The following ZNRF2 variants were observed in gnomAD, a reference collection of about 807,000 sequenced individuals.
ZNRF2 encodes E3 ubiquitin-protein ligase ZNRF2.
Under a neutral mutation model 20.4 loss-of-function variants are expected in ZNRF2, and 16 were observed. The ratio of observed to expected loss-of-function variants is 0.79; its 90% CI spans 0.53 to 1.19. The LOEUF (loss-of-function observed/expected upper bound fraction) is 1.19. ZNRF2 is among the 50% of genes most tolerant of loss of function. The probability of loss-of-function intolerance (pLI) is 0.00; values close to 1 mark genes in which losing one functional copy is unlikely to be tolerated. For missense variants in ZNRF2, 363 were observed against 332.4 expected (o/e 1.09, Z -0.72); for synonymous variants, 178 against 144.9 (o/e 1.23, Z -1.64).
At chr7:30,340,518 T>C (rs981710774) in intron 2 of ZNRF2, among the ~76,000 whole-genome samples, 1 of 152,210 alleles carries the variant, frequency 6.6e-6, no homozygotes, top group African/African-American at 2.4e-5. Context: ...GTTTTTGTCA[T>C]TGGTTCTGTT....
intron 1 of ZNRF2, among the ~76,000 whole-genome samples, chr7:30,297,266 G>A (rs540797972): frequency 8.5e-5 from 13 of 152,160 alleles, no homozygotes; most frequent in Admixed American, 5.9e-4. Context: ...ACCCTGTTCC[G>A]AATTGATTAT....
chr7:30,329,747 A>C (rs1159938736), intron 2 of ZNRF2, among the ~76,000 whole-genome samples: 1 of 152,228 alleles, frequency 6.6e-6, no homozygotes, highest in East Asian at 1.9e-4. Flanking sequence ...GGTTATCGTG[A>C]ATAGTGCTGC....
intron 1 of ZNRF2, among the ~76,000 whole-genome samples, chr7:30,304,204 A>G (rs771099018): frequency 6.6e-6 from 1 of 152,128 alleles, no homozygotes; most frequent in African/African-American, 2.4e-5. Flanking sequence ...CTAAGCAGCT[A>G]TAGCTTCTTG....
chr7:30,342,441 AGCATTT>A (rs538784405), intron 2 of ZNRF2, among the ~76,000 whole-genome samples: 84 of 152,262 alleles, frequency 5.5e-4, no homozygotes, highest in Non-Finnish European at 1.0e-3. Flanking sequence ...AGAATCTCTC[AGCATTT>A]GCTTGTCTGT....
At chr7:30,294,708 C>T (rs1160707540) in intron 1 of ZNRF2, among the ~76,000 whole-genome samples, 2 of 151,876 alleles carry the variant, frequency 1.3e-5, no homozygotes, top group African/African-American at 2.4e-5. Context: ...TTGCTTGAAC[C>T]TGGGAGGTGA....
At chr7:30,295,122 C>T (rs1198339342) in intron 1 of ZNRF2, among the ~76,000 whole-genome samples, 1 of 143,024 alleles carries the variant, frequency 7.0e-6, no homozygotes, top group African/African-American at 2.6e-5. Context: ...TCAGCCACTG[C>T]CCCCAGGCAG....
chr7:30,310,272 A>C (rs184895588), intron 1 of ZNRF2, among the ~76,000 whole-genome samples: 47 of 152,320 alleles, frequency 3.1e-4, no homozygotes, highest in African/African-American at 1.1e-3. Flanking sequence ...AAACTTTTTA[A>C]TGCAACTTAC....
chr7:30,285,562 GCGGCGGCCCCGGCAGCCC>G lies in ZNRF2; in HGVS notation c.217_234del (p.Ala73_Pro78del), dbSNP rs1181828470. 233 of 974,334 alleles carry G rather than the reference GCGGCGGCCCCGGCAGCCC, an allele frequency of 2.4e-4. 1 individual carries two copies. The highest frequency in any genetic ancestry group is 8.3e-4 in the South Asian group (18 of 21,674). The allele number at this position is 974,334 out of a possible 1,614,324, so 60.4% of individuals were successfully genotyped here. A position where few individuals can be genotyped will look rare whatever the true frequency, so the allele number is the denominator to read the frequency against. ...CGCCTCCGGCGGCGCCGCGGCGGCC[GCGGCGGCCCCGGCAGCCC>G]CGGCGGCCCCGCGCAGCCGCTCCCT... On this transcript the variant is annotated inframe_deletion, in exon 1 of 5. Coordinates refer to ENST00000323037, the MANE Select transcript of ZNRF2 (RefSeq NM_147128.4).
chr7:30,346,170 A>T (rs1198532160), intron 2 of ZNRF2, among the ~76,000 whole-genome samples: 45 of 23,662 alleles, frequency 1.9e-3, no homozygotes, highest in Non-Finnish European at 3.2e-3. Context: ...GTTAAGTCTG[A>T]TTTTTTTTTT....
intron 1 of ZNRF2, among the ~76,000 whole-genome samples, chr7:30,295,048 A>AGAGAGAGAGT (rs1798992605): frequency 1.3e-5 from 1 of 79,056 alleles, no homozygotes; most frequent in Admixed American, 1.2e-4. Flanking sequence ...AGAGAGAGAG[A>AGAGAGAGAGT]GAGTGTGTGT....
At chr7:30,294,733 C>T (rs1008492675) in intron 1 of ZNRF2, among the ~76,000 whole-genome samples, 6 of 150,670 alleles carry the variant, frequency 4.0e-5, no homozygotes, top group East Asian at 1.9e-4. Flanking sequence ...TGCAGTGAGC[C>T]GAGATCACAC....
In ZNRF2 at chr7:30,355,711, A is replaced by C. The variant is rs1261674108; in HGVS notation, c.566-17A>C. 1.3e-5 allele frequency: 20 copies of C among 1,589,276 alleles called. No individual in the cohort carries two copies. Among genetic ancestry groups the C allele is most frequent in the Non-Finnish European group, 1.7e-5 (20 of 1,160,524 alleles). On this transcript the variant is annotated splice_polypyrimidine_tract_variant and intron_variant, in intron 2 of 4. Transcript: ENST00000323037. ...TGGATAATTTTATTGTCCTGAATTC[A>C]TTTTCTCTTTCTTCAGAGGATGTAC...
chr7:30,339,583 G>A (rs953224615), intron 2 of ZNRF2, among the ~76,000 whole-genome samples: 2 of 152,094 alleles, frequency 1.3e-5, no homozygotes, highest in East Asian at 1.9e-4. Flanking sequence ...TAGATGTGTG[G>A]TGTTATTTCT....
intron 1 of ZNRF2, among the ~76,000 whole-genome samples, chr7:30,293,446 G>A (rs1173343582): frequency 6.6e-6 from 1 of 151,994 alleles, no homozygotes; most frequent in Non-Finnish European, 1.5e-5. Context: ...ACTGGGTTTT[G>A]CCATGTTGGC....
chr7:30,307,326 G>GTTTTTTTTTT (rs78007797), intron 1 of ZNRF2, among the ~76,000 whole-genome samples: 1,014 of 43,044 alleles, frequency 0.024, 5 homozygotes, highest in Non-Finnish European at 0.035. Flanking sequence ...GTTTTTTTTT[G>GTTTTTTTTTT]TTTTTTTTTT....
chr7:30,303,582 T>C (rs1562606558), intron 1 of ZNRF2, among the ~76,000 whole-genome samples: 1 of 152,220 alleles, frequency 6.6e-6, no homozygotes, highest in African/African-American at 2.4e-5. Context: ...GCTCATAGAC[T>C]ATGATAAACT....
chr7:30,290,111 A>G (rs1443661097), intron 1 of ZNRF2, among the ~76,000 whole-genome samples: 2 of 152,182 alleles, frequency 1.3e-5, no homozygotes, highest in East Asian at 3.8e-4. Context: ...TATGTAGCAA[A>G]TTACTTCCTA....
At chr7:30,349,096 TGTA>T (rs2127954520) in intron 2 of ZNRF2, among the ~76,000 whole-genome samples, 1 of 152,340 alleles carries the variant, frequency 6.6e-6, no homozygotes, top group South Asian at 2.1e-4. Flanking sequence ...TCAATATTGC[TGTA>T]GTAAAATTTT....
chr7:30,331,198 A>G (rs1029628382), intron 2 of ZNRF2, among the ~76,000 whole-genome samples: 6 of 152,162 alleles, frequency 3.9e-5, no homozygotes, highest in Non-Finnish European at 8.8e-5. Context: ...TACAGTCTCT[A>G]TTAACGGTGA....
Sources: gnomAD v4.1 joint callset for allele counts (sites outside exome capture counted in the v4.1 genomes callset) on GRCh38, gnomAD v4.1.1 for gene constraint, MANE v1.5 for transcripts, NCBI Gene and HGNC (gene_info 2026-07-23, HGNC 2026-07-21) for gene names.